Variants in ZFAND2A observed in about 807,000 individuals in gnomAD.
ZFAND2A encodes zinc finger AN1-type containing 2A, also known as AN1-type zinc finger protein 2A.
A neutral mutation model predicts 11.6 loss-of-function variants in ZFAND2A; 20 were observed. The observed-to-expected ratio is 1.72, with a 90% CI of 1.21 to 2.50. ZFAND2A has a LOEUF of 2.50. Ranked by LOEUF, ZFAND2A falls within the 30% of genes most tolerant of loss-of-function variation. The probability of loss-of-function intolerance (pLI) is 0.00; values close to 1 mark genes in which losing one functional copy is unlikely to be tolerated. For missense variants in ZFAND2A, 234 were observed against 182.9 expected (o/e 1.28, Z -1.61); for synonymous variants, 93 against 60.6 (o/e 1.54, Z -2.48).
In ZFAND2A at chr7:1,153,231, G is replaced by A; in HGVS notation, c.283-7C>T. On this transcript the variant is annotated splice_region_variant and splice_polypyrimidine_tract_variant and intron_variant, in intron 4 of 4. Transcript: ENST00000316495. ...AGCAACGGTATGTAAAAATCTAAGA[G>A]AGCAAAGTGACTTCAACAAGCAATT... 1 of 1,607,832 alleles carries A rather than the reference G, an allele frequency of 6.2e-7. No individual in the cohort carries two copies. The highest frequency in any genetic ancestry group is 8.5e-7 in the Non-Finnish European group (1 of 1,174,658).
chr7:1,151,331 G>A (rs1483809086), downstream of ZFAND2A, among the ~76,000 whole-genome samples: 1 of 152,092 alleles, frequency 6.6e-6, no homozygotes, highest in East Asian at 1.9e-4. Flanking sequence ...TAGCACCTGT[G>A]GCCGCCGCTG....
At chr7:1,152,403 C>A, downstream of ZFAND2A, 1 of 1,458,684 alleles carries the variant, frequency 6.9e-7, no homozygotes, top group South Asian at 1.4e-5. Flanking sequence ...AGAACCCACA[C>A]AGCTTCCTGC....
intron 2 of ZFAND2A, 58 bp downstream of exon 2, chr7:1,158,100 C>G (rs28685743): frequency 1.3e-6 from 2 of 1,524,214 alleles, no homozygotes; most frequent in Non-Finnish European, 1.8e-6. Context: ...ATTAACAGAA[C>G]AGCCAGCTTT....
At chr7:1,158,396 G>C (rs1293487546) in intron 1 of ZFAND2A, 139 bp from the exon 2 acceptor site, 1 of 589,436 alleles carries the variant, frequency 1.7e-6, no homozygotes, top group African/African-American at 1.9e-5. Flanking sequence ...ACAAATACCA[G>C]GTGTCCGCCA....
rs11767061 is a variant in ZFAND2A at position 1,160,168 on chromosome 7, C to T, written c.-250G>A. 80,907 of 151,838 alleles carry T rather than the reference C, an allele frequency of 0.53. 22,124 individuals carry two copies. The highest frequency in any genetic ancestry group is 0.59 in the Non-Finnish European group (39,861 of 67,794). The allele number at this position is 151,838 out of a possible 1,614,324, so 9.4% of individuals were successfully genotyped here. On this transcript the variant is annotated 5_prime_UTR_variant, in exon 1 of 5. Coordinates refer to ENST00000316495, the MANE Select transcript of ZFAND2A (RefSeq NM_182491.4). ...GCGGCCTACGGGGATTTATCCGCAG[C>T]CCCCGGATCTGAGAGCCGTCTGGGC...
At chr7:1,157,906 G>A (rs1015709895) in intron 2 of ZFAND2A, among the ~76,000 whole-genome samples, 156 bp from the exon 3 acceptor site, 1 of 152,230 alleles carries the variant, frequency 6.6e-6, no homozygotes, top group Non-Finnish European at 1.5e-5. Context: ...GGGTCAGGCT[G>A]TCTTCTAGAG....
chr7:1,152,186 C>A, downstream of ZFAND2A: 1 of 1,507,984 alleles, frequency 6.6e-7, no homozygotes. Context: ...AGCAACCTTT[C>A]CGTGTTCACC....
At chr7:1,159,693 G>C (rs866095944) in intron 1 of ZFAND2A, among the ~76,000 whole-genome samples, 1 of 49,840 alleles carries the variant, frequency 2.0e-5, no homozygotes, top group Admixed American at 2.0e-4. Context: ...GCCAGACCCC[G>C]GCAGGCCCGG....
At chr7:1,156,970 C>G (rs533211499) in intron 3 of ZFAND2A, 1 of 152,380 alleles carries the variant, frequency 6.6e-6, no homozygotes, top group South Asian at 2.1e-4. Context: ...AGGGTCAGAC[C>G]CTGGCCAACA....
downstream of ZFAND2A, among the ~76,000 whole-genome samples, chr7:1,150,902 T>TTTTTTTTTTC (rs1457637386): frequency 2.1e-5 from 3 of 142,070 alleles, no homozygotes; most frequent in African/African-American, 5.3e-5. Context: ...TTTTTTTTTT[T>TTTTTTTTTTC]TTTGAGATTC....
downstream of ZFAND2A, among the ~76,000 whole-genome samples, chr7:1,151,158 G>C (rs893625667): frequency 6.6e-5 from 10 of 152,174 alleles, no homozygotes; most frequent in Admixed American, 2.0e-4. Context: ...AAAGTGCTGA[G>C]ATTACAAGCG....
chr7:1,154,212 G>A (rs763325383), intron 4 of ZFAND2A, among the ~76,000 whole-genome samples: 12 of 149,530 alleles, frequency 8.0e-5, no homozygotes, highest in African/African-American at 1.7e-4. Context: ...TTGGTGCCAG[G>A]ATGTAGGCAG....
chr7:1,150,193 C>T (rs192184059), downstream of ZFAND2A, among the ~76,000 whole-genome samples: 73 of 152,194 alleles, frequency 4.8e-4, 1 homozygote, highest in Non-Finnish European at 5.1e-4. Flanking sequence ...GTATGTTCTG[C>T]GATCACCAAC....
chr7:1,159,165 C>T (rs916513926), intron 1 of ZFAND2A, among the ~76,000 whole-genome samples: 6 of 152,220 alleles, frequency 3.9e-5, no homozygotes, highest in African/African-American at 1.4e-4. Context: ...CCACAGCTTC[C>T]AACTACAGAT....
downstream of ZFAND2A, among the ~76,000 whole-genome samples, chr7:1,149,334 T>C (rs1227347724): frequency 2.6e-5 from 4 of 152,208 alleles, no homozygotes; most frequent in Admixed American, 2.6e-4. Flanking sequence ...CCAGAGGTGC[T>C]GCAGACGCAG....
chr7:1,157,326 C>A, intron 3 of ZFAND2A: 1 of 191,402 alleles, frequency 5.2e-6, no homozygotes. Context: ...GGTGTAACAG[C>A]TATGGTGTAA....
intron 2 of ZFAND2A, among the ~76,000 whole-genome samples, 161 bp downstream of exon 2, chr7:1,157,997 G>C (rs945522607): frequency 1.3e-5 from 2 of 152,168 alleles, no homozygotes; most frequent in African/African-American, 4.8e-5. Context: ...CCTGCACCCA[G>C]CCTCTGGTGG....
intron 4 of ZFAND2A, among the ~76,000 whole-genome samples, chr7:1,154,388 C>T (rs897438834): frequency 1.3e-5 from 2 of 152,056 alleles, no homozygotes; most frequent in Non-Finnish European, 2.9e-5. Flanking sequence ...GAACACAGGG[C>T]GTGCCCACCA....
At chr7:1,151,731 C>G (rs960199446), downstream of ZFAND2A, among the ~76,000 whole-genome samples, 12 of 130,098 alleles carry the variant, frequency 9.2e-5, no homozygotes, top group African/African-American at 3.4e-4. Context: ...TGCACTCCAG[C>G]CTGGGCAATA....
Sources: gnomAD v4.1 joint callset for allele counts (sites outside exome capture counted in the v4.1 genomes callset) on GRCh38, gnomAD v4.1.1 for gene constraint, MANE v1.5 for transcripts, NCBI Gene and HGNC (gene_info 2026-07-23, HGNC 2026-07-21) for gene names.